Variants in MRPS31 observed in about 807,000 individuals in gnomAD.
The protein encoded by MRPS31 is mitochondrial ribosomal protein S31, also known as small ribosomal subunit protein mS31.
MRPS31 carries 32 observed loss-of-function variants against 43.1 expected under a neutral mutation model. That is an observed-to-expected ratio of 0.74 (90% CI 0.56 to 1.00). MRPS31 has a LOEUF of 1.00. Among genes scored for constraint, MRPS31 ranks in the 50% least tolerant of loss-of-function variants. The pLI, the probability that MRPS31 is intolerant of heterozygous loss-of-function variation, is 0.00. For synonymous variants in MRPS31, 165 were observed against 161.6 expected, an observed-to-expected ratio of 1.02 and a Z score of -0.16; for missense variants, 437 against 466.7, an observed-to-expected ratio of 0.94 and a Z score of 0.59.
Position 40,749,190 on chromosome 13 carries a change from G to C in MRPS31, c.906C>G (p.Ile302Met). 1.9e-6 allele frequency: 3 copies of C among 1,601,578 alleles called. No homozygotes were observed. Among genetic ancestry groups the C allele is most frequent in the Non-Finnish European group, 2.5e-6 (3 of 1,177,366 alleles). Reference protein sequence around the residue: ...QPLQNGFEELIQWTKEGKLWE... With the variant: ...QPLQNGFEELMQWTKEGKLWE... Reference sequence around the variant, plus strand: ...ATAGTTTCCCCTCTTTTGTCCACTGGATCAGCTCTTCAAATCCATTCTGAA... The same window carrying C: ...ATAGTTTCCCCTCTTTTGTCCACTGCATCAGCTCTTCAAATCCATTCTGAA... The change falls in exon 6 of 7, where the codon ATC (isoleucine) becomes ATG (methionine). Residue 302 changes from isoleucine (I) to methionine (M), a missense_variant. Transcript: ENST00000323563.
At chr13:40,756,733 G>A (rs1356450425) in intron 4 of MRPS31, 140 bp downstream of exon 4, 2 of 983,100 alleles carry the variant, frequency 2.0e-6, no homozygotes, top group Non-Finnish European at 3.0e-6. Context: ...TATACAGAGA[G>A]TAAGAACACA....
chr13:40,767,060 T>A, intron 1 of MRPS31, 27 bp from the exon 2 acceptor site: 2 of 1,563,572 alleles, frequency 1.3e-6, no homozygotes, highest in African/African-American at 1.4e-5. Flanking sequence ...AAGAAAAAAA[T>A]GAAAAATACA....
chr13:40,753,069 T>C (rs930983003), intron 5 of MRPS31, among the ~76,000 whole-genome samples: 21 of 152,228 alleles, frequency 1.4e-4, no homozygotes, highest in African/African-American at 5.1e-4. Context: ...TCATCACTTA[T>C]ACACTAGAGA....
intron 6 of MRPS31, among the ~76,000 whole-genome samples, chr13:40,740,785 G>T (rs1880063658): frequency 8.4e-6 from 1 of 119,236 alleles, no homozygotes; most frequent in Non-Finnish European, 1.7e-5. Flanking sequence ...GGGGACTGTG[G>T]TGGGGTGGGG....
intron 6 of MRPS31, among the ~76,000 whole-genome samples, chr13:40,736,503 A>C (rs1248435157): frequency 6.7e-6 from 1 of 148,266 alleles, no homozygotes; most frequent in Non-Finnish European, 1.5e-5. Context: ...GTTGAAATGA[A>C]GGAAAAAATG....
At chr13:40,730,310 T>A (rs1212688327) in intron 6 of MRPS31, among the ~76,000 whole-genome samples, 1 of 151,374 alleles carries the variant, frequency 6.6e-6, no homozygotes, top group Non-Finnish European at 1.5e-5. Context: ...TCACTCAAGG[T>A]CAGGAGTTCA....
chr13:40,734,982 C>T (rs960205287), intron 6 of MRPS31, among the ~76,000 whole-genome samples: 11 of 152,172 alleles, frequency 7.2e-5, no homozygotes, highest in Non-Finnish European at 1.5e-4. Flanking sequence ...GCCTGAGCGA[C>T]GCAGAAGACG....
chr13:40,739,238 A>G (rs1360134349), intron 6 of MRPS31, among the ~76,000 whole-genome samples: 9 of 152,120 alleles, frequency 5.9e-5, no homozygotes, highest in East Asian at 3.9e-4. Context: ...CAAGGGATGT[A>G]AAGGACCTCT....
intron 6 of MRPS31, among the ~76,000 whole-genome samples, chr13:40,746,143 A>T (rs1193980879): frequency 6.6e-6 from 1 of 152,236 alleles, no homozygotes; most frequent in African/African-American, 2.4e-5. Context: ...TTTCAATATT[A>T]TGTTCCAATA....
intron 6 of MRPS31, among the ~76,000 whole-genome samples, chr13:40,734,788 A>G (rs1191719018): frequency 6.6e-6 from 1 of 152,116 alleles, no homozygotes; most frequent in African/African-American, 2.4e-5. Flanking sequence ...TCTCCTCACT[A>G]GAAAGGCTGA....
chr13:40,733,650 T>A (rs1453854517), intron 6 of MRPS31, among the ~76,000 whole-genome samples: 4 of 151,866 alleles, frequency 2.6e-5, no homozygotes, highest in Non-Finnish European at 5.9e-5. Flanking sequence ...ATGGAAAAAA[T>A]GGCAAAAGCA....
Position 40,749,287 on chromosome 13 carries a change from T to C in MRPS31, c.815-6A>G. 6.5e-7 allele frequency: 1 copy of C among 1,548,716 alleles called. No homozygotes were observed. Among genetic ancestry groups the C allele is most frequent in the Non-Finnish European group, 8.6e-7 (1 of 1,157,442 alleles). On this transcript the variant is annotated splice_polypyrimidine_tract_variant and splice_region_variant and intron_variant, in intron 5 of 6. Coordinates refer to ENST00000323563, the MANE Select transcript of MRPS31 (RefSeq NM_005830.4). Reference sequence around the variant, plus strand: ...CCAAAGTGAAGGTGATGTGTCTACATAATAAAGACATTTTAGATAACAACA... The same window carrying C: ...CCAAAGTGAAGGTGATGTGTCTACACAATAAAGACATTTTAGATAACAACA...
chr13:40,752,797 T>C (rs1398087504), intron 5 of MRPS31, among the ~76,000 whole-genome samples: 1 of 152,104 alleles, frequency 6.6e-6, no homozygotes, highest in African/African-American at 2.4e-5. Flanking sequence ...TGGAGTGTTA[T>C]AGCACAATCA....
At chr13:40,732,978 A>G (rs540477020) in intron 6 of MRPS31, among the ~76,000 whole-genome samples, 1 of 145,614 alleles carries the variant, frequency 6.9e-6, no homozygotes, top group African/African-American at 2.5e-5. Flanking sequence ...GAAGAAGAAC[A>G]GCAACAATGC....
intron 1 of MRPS31, among the ~76,000 whole-genome samples, chr13:40,769,617 C>T (rs73461206): frequency 0.045 from 6,834 of 151,434 alleles, 318 homozygotes; most frequent in East Asian, 0.14. Flanking sequence ...GTACACAGGA[C>T]TCTCATTATA....
Position 40,770,945 on chromosome 13 carries a change from G to T in MRPS31, c.152+40C>A, listed in dbSNP as rs1386498468. 4 of 1,613,506 alleles carry T rather than the reference G, an allele frequency of 2.5e-6. No homozygotes were observed. The South Asian group carries it at 4.4e-5, about 18-fold the overall frequency. ...GTAACATCGACCCCAGGAAGTCGGA[G>T]GATGTACAGGACGGGGCACGGGGTT... On this transcript the variant is annotated intron_variant, in intron 1 of 6. Coordinates refer to ENST00000323563, the MANE Select transcript of MRPS31 (RefSeq NM_005830.4).
intron 6 of MRPS31, among the ~76,000 whole-genome samples, chr13:40,741,883 C>G (rs1216952170): frequency 9.3e-6 from 1 of 107,088 alleles, no homozygotes; most frequent in Non-Finnish European, 1.8e-5. Context: ...TGCTAAGTAA[C>G]AAAATACACA....
intron 5 of MRPS31, chr13:40,749,500 G>C (rs554856643): frequency 2.8e-6 from 1 of 350,954 alleles, no homozygotes; most frequent in South Asian, 1.3e-4. Context: ...ACAATGCCAG[G>C]TAATCACTGC....
chr13:40,730,187 T>C (rs1414083267), intron 6 of MRPS31, among the ~76,000 whole-genome samples: 1 of 152,052 alleles, frequency 6.6e-6, no homozygotes, highest in Non-Finnish European at 1.5e-5. Context: ...AAACTATATA[T>C]AAAGTTCATT....
Sources: allele counts gnomAD v4.1 joint callset (sites outside exome capture counted in the v4.1 genomes callset), GRCh38; gene constraint gnomAD v4.1.1; transcripts MANE v1.5; gene names NCBI Gene and HGNC (gene_info 2026-07-23, HGNC 2026-07-21).